PPHLN1: variants seen among roughly 807,000 people sequenced by gnomAD.
PPHLN1 encodes the protein periphilin-1.
PPHLN1 carries 29 observed loss-of-function variants against 51.3 expected under a neutral mutation model. The ratio of observed to expected loss-of-function variants is 0.57; its 90% CI spans 0.42 to 0.77. PPHLN1 has a LOEUF of 0.77. Ranked by LOEUF, PPHLN1 falls within the 30% of genes least tolerant of loss-of-function variation. The probability of loss-of-function intolerance (pLI) is 0.00; values close to 1 mark genes in which losing one functional copy is unlikely to be tolerated. For missense variants in PPHLN1, 436 were observed against 438.4 expected, an observed-to-expected ratio of 0.99 and a Z score of 0.05; for synonymous variants, 147 against 147.8, an observed-to-expected ratio of 0.99 and a Z score of 0.04.
chr12:42,374,980 T>TTC lies in PPHLN1; in HGVS notation c.420_421dup (p.Pro141LeufsTer59). 1 of 1,614,036 alleles carries TTC rather than the reference T, an allele frequency of 6.2e-7. No individual in the cohort carries two copies. Among genetic ancestry groups the TTC allele is most frequent in the East Asian group, 2.2e-5 (1 of 44,880 alleles). On this transcript the variant is annotated frameshift_variant, in exon 5 of 10. Transcript: ENST00000358314. LOFTEE classifies it high-confidence loss of function. ...GAGAATCACCTGTTGGCCGAAAGGA[T>TTC]TCTCCACACAGCAGATCTGGTTCCA...
Position 42,424,943 on chromosome 12 carries a change from G to A in PPHLN1, c.910-16372G>A, listed in dbSNP as rs369988915. Among the ~76,000 whole-genome samples the A allele has an allele frequency of 1.1e-4, 16 of 152,192 alleles. No homozygotes were observed. The East Asian group carries it at 3.1e-3, about 29-fold the overall frequency. Reference sequence around the variant, plus strand: ...GTGTAGTAACATAATACAGTGTTAAGACATGGAGAAATTTCATAGTAACAA... The same window carrying A: ...GTGTAGTAACATAATACAGTGTTAAAACATGGAGAAATTTCATAGTAACAA... On this transcript the variant is annotated intron_variant, in intron 9 of 9. Transcript: ENST00000358314.
At chr12:42,357,943 C>T (rs1475534230) in intron 4 of PPHLN1, among the ~76,000 whole-genome samples, 1 of 152,148 alleles carries the variant, frequency 6.6e-6, no homozygotes, top group African/African-American at 2.4e-5. Flanking sequence ...CATTATTTAG[C>T]TTCCACTTAT....
chr12:42,430,312 T>C (rs1592972748), intron 9 of PPHLN1, among the ~76,000 whole-genome samples: 2 of 151,986 alleles, frequency 1.3e-5, no homozygotes, highest in Non-Finnish European at 2.9e-5. Context: ...CAGTTGATAC[T>C]TGAACAACTC....
rs2082987573 is a variant in PPHLN1, at chr12:42,441,793, T to A, written c.*284T>A. The A allele has an allele frequency of 8.9e-7, 1 of 1,117,700 alleles. No homozygotes were observed. Among genetic ancestry groups the A allele is most frequent in the Non-Finnish European group, 1.1e-6 (1 of 912,772 alleles). The allele number at this position is 1,117,700 out of a possible 1,614,324, so 69.2% of individuals were successfully genotyped here. ...CCTCAGCCTCTCAAAGTGTTGAGAT[T>A]ACAGGCGTGAGCCACCGCTCCCTGC... On this transcript the variant is annotated 3_prime_UTR_variant, in exon 10 of 10. Transcript: ENST00000358314.
chr12:42,373,176 G>A (rs571904300), intron 4 of PPHLN1, among the ~76,000 whole-genome samples: 17 of 152,080 alleles, frequency 1.1e-4, no homozygotes, highest in Non-Finnish European at 2.4e-4. Flanking sequence ...GTGTACATTT[G>A]GCTCACCATT....
chr12:42,425,070 G>T (rs917158294), intron 9 of PPHLN1, among the ~76,000 whole-genome samples: 6 of 151,480 alleles, frequency 4.0e-5, no homozygotes, highest in African/African-American at 1.5e-4. Context: ...ATGTATGTAT[G>T]TATGTATGTA....
At chr12:42,382,247 C>G (rs2076816313) in intron 5 of PPHLN1, among the ~76,000 whole-genome samples, 1 of 152,196 alleles carries the variant, frequency 6.6e-6, no homozygotes. Flanking sequence ...TAAGCTGCTT[C>G]TCCAGCTTTT....
intron 7 of PPHLN1, among the ~76,000 whole-genome samples, chr12:42,392,086 C>T (rs770333400): frequency 1.5e-4 from 23 of 152,140 alleles, no homozygotes; most frequent in African/African-American, 4.6e-4. Flanking sequence ...TTATGGTGTG[C>T]GCATTTGTAC....
chr12:42,389,655 C>T (rs2077514261), intron 7 of PPHLN1, among the ~76,000 whole-genome samples: 1 of 152,212 alleles, frequency 6.6e-6, no homozygotes, highest in Admixed American at 6.5e-5. Context: ...AGTTTTCTCA[C>T]TGAATTTTTA....
chr12:42,431,722 T>G, intron 9 of PPHLN1: 1 of 1,071,124 alleles, frequency 9.3e-7, no homozygotes. Context: ...TTTAAGGTAT[T>G]AATCTTTTCT....
chr12:42,426,218 A>ACC (rs1566010353), intron 9 of PPHLN1, among the ~76,000 whole-genome samples: 2 of 121,738 alleles, frequency 1.6e-5, no homozygotes, highest in African/African-American at 6.5e-5. Context: ...ACACACACAC[A>ACC]CACACACACA....
intron 9 of PPHLN1, chr12:42,433,041 CTG>C (rs2082178353): frequency 1.1e-6 from 1 of 938,062 alleles, no homozygotes; most frequent in South Asian, 1.3e-5. Flanking sequence ...GGAAAATCCA[CTG>C]TGCATTTAAA....
intron 9 of PPHLN1, among the ~76,000 whole-genome samples, chr12:42,434,704 T>G (rs1016206668): frequency 1.3e-5 from 2 of 152,206 alleles, no homozygotes; most frequent in Non-Finnish European, 2.9e-5. Context: ...GTTTTTGTTT[T>G]GTTTTTTGAG....
chr12:42,391,796 C>T (rs1438258304), intron 7 of PPHLN1, among the ~76,000 whole-genome samples: 1 of 152,040 alleles, frequency 6.6e-6, no homozygotes, highest in Non-Finnish European at 1.5e-5. Context: ...TTTAAGCTTC[C>T]TCAATGGCTG....
At chr12:42,368,655 C>T (rs1368096597) in intron 4 of PPHLN1, among the ~76,000 whole-genome samples, 2 of 152,128 alleles carry the variant, frequency 1.3e-5, no homozygotes, top group Non-Finnish European at 2.9e-5. Context: ...ACAGAACCCC[C>T]TTTTATGTTT....
At chr12:42,446,381 C>A, downstream of PPHLN1, 2 of 1,477,588 alleles carry the variant, frequency 1.4e-6, no homozygotes, top group East Asian at 2.3e-5. Context: ...TTTTTTCAGC[C>A]CTATTCCCTT....
chr12:42,403,800 G>T (rs569381715), intron 9 of PPHLN1, among the ~76,000 whole-genome samples: 23 of 152,192 alleles, frequency 1.5e-4, no homozygotes, highest in African/African-American at 5.1e-4. Context: ...AATCCCCATG[G>T]CATAAACCCA....
chr12:42,412,277 C>T (rs1372295436), intron 9 of PPHLN1, among the ~76,000 whole-genome samples: 1 of 144,598 alleles, frequency 6.9e-6, no homozygotes, highest in African/African-American at 2.7e-5. Flanking sequence ...CTCCATAGTC[C>T]ATTATACCAC....
chr12:42,390,721 A>G lies in PPHLN1; in HGVS notation c.649-2849A>G, dbSNP rs188639234. On this transcript the variant is annotated intron_variant, in intron 7 of 9. Transcript: ENST00000358314. The stretch of plus-strand genomic sequence containing the variant: ...GCTATTCTTAGTGTTAGTGTATTCT[A>G]TGTGTGGTCCAAGACAATTCTAACG... Among the ~76,000 whole-genome samples the G allele has an allele frequency of 1.8e-4, 26 of 140,836 alleles. No homozygotes were observed. The East Asian group carries it at 5.3e-3, about 29-fold the overall frequency. 92.4% of individuals were successfully genotyped at this position (140,836 alleles called of 152,430 possible). A position where few individuals can be genotyped will look rare whatever the true frequency, so the allele number is the denominator to read the frequency against.
Sources: allele counts gnomAD v4.1 joint callset (sites outside exome capture counted in the v4.1 genomes callset), GRCh38; gene constraint gnomAD v4.1.1; transcripts MANE v1.5; gene names NCBI Gene and HGNC (gene_info 2026-07-23, HGNC 2026-07-21).